The following ANK2 variants were observed in gnomAD, a reference collection of about 807,000 sequenced individuals.
ANK2 encodes the protein ankyrin 2, also known as ankyrin-2.
A neutral mutation model predicts 360.5 loss-of-function variants in ANK2; 83 were observed. The observed-to-expected ratio is 0.23, with a 90% CI of 0.19 to 0.28. The LOEUF is 0.28. Among genes scored for constraint, ANK2 ranks in the 10% least tolerant of loss-of-function variants. The pLI is 1.00. For missense variants in ANK2, 4,201 were observed against 4,795.7 expected (o/e 0.88, Z 3.66); for synonymous variants, 1,740 against 1,759.5 (o/e 0.99, Z 0.28).
intron 14 of ANK2, among the ~76,000 whole-genome samples, chr4:113,269,404 G>T (rs1018150507): frequency 6.6e-6 from 1 of 152,262 alleles, no homozygotes; most frequent in Non-Finnish European, 1.5e-5. Flanking sequence ...CCCTGGTGAT[G>T]TAGGCACCCG....
chr4:112,729,483 C>T, the ANK2 span, among the ~76,000 whole-genome samples: 618 of 152,154 alleles, frequency 4.1e-3, 4 homozygotes, highest in African/African-American at 0.014. Flanking sequence ...GGGCCGGACA[C>T]GATAGCTAAG....
At position 113,373,339 on chromosome 4, in the gene ANK2, G is replaced by A. The variant is rs2154074695; in HGVS notation, c.11749G>A (p.Glu3917Lys). 2 of 1,614,218 alleles carry A rather than the reference G, an allele frequency of 1.2e-6. No individual in the cohort carries two copies. Among genetic ancestry groups the A allele is most frequent in the Non-Finnish European group, 1.7e-6 (2 of 1,180,028 alleles). ...YVSSEGTEKE[E>K]IMVQGMPQEP... ...ATCCTCTGAAGGCACAGAGAAAGAA[G>A]AGATTATGGTGCAGGGAATGCCACA... is the stretch of plus-strand genomic sequence containing the variant. The change falls in exon 45 of 46, where the codon GAG (glutamate) becomes AAG (lysine). Residue 3917 changes from glutamate to lysine, a missense_variant. This residue lies in a region of ANK2 where 2,642 missense variants were observed against 2,714.5 expected (regional missense o/e 0.97). Coordinates refer to ENST00000357077, the MANE Select transcript of ANK2 (RefSeq NM_001148.6).
At chr4:113,039,923 A>T (rs1389805825) in intron 2 of ANK2, among the ~76,000 whole-genome samples, 4 of 151,990 alleles carry the variant, frequency 2.6e-5, no homozygotes, top group Admixed American at 2.6e-4. Context: ...ACTTTTTATC[A>T]ATGGGCCCGG....
At chr4:113,048,957 CA>C (rs2065763480), upstream of ANK2, among the ~76,000 whole-genome samples, 1 of 150,048 alleles carries the variant, frequency 6.7e-6, no homozygotes, top group Non-Finnish European at 1.5e-5. Flanking sequence ...CACACACACA[CA>C]CACACACTCC....
chr4:112,959,858 A>T (rs17617357), intron 2 of ANK2, among the ~76,000 whole-genome samples: 4,070 of 152,228 alleles, frequency 0.027, 87 homozygotes, highest in Non-Finnish European at 0.04. Flanking sequence ...TGTCAGCCAA[A>T]TTTGAGAAAC....
intron 1 of ANK2, among the ~76,000 whole-genome samples, chr4:113,114,556 C>A (rs1371503015): frequency 1.2e-5 from 1 of 84,954 alleles, no homozygotes; most frequent in African/African-American, 3.9e-5. Flanking sequence ...TGTTAACCAT[C>A]CCTAAATTTT....
rs148170304 is a variant in ANK2 at position 113,016,001 on chromosome 4, A to G, written c.21+111487A>G. 6.4e-3 allele frequency among the ~76,000 whole-genome samples: 972 copies of G among 152,300 alleles called. 11 individuals carry two copies. The highest frequency in any genetic ancestry group is 0.021 in the African/African-American group (885 of 41,552). ...ACCATTTGAGAGACTCATCAGAGAA[A>G]ATTCTCATATGGCTTTTTTTTTCAA... On this transcript the variant is annotated intron_variant, in intron 2 of 30. Coordinates refer to the ANK2 transcript ENST00000503271.
chr4:112,995,955 G>A (rs1192086171), intron 2 of ANK2, among the ~76,000 whole-genome samples: 3 of 152,120 alleles, frequency 2.0e-5, no homozygotes, highest in Non-Finnish European at 2.9e-5. Flanking sequence ...AGTTAAACAT[G>A]TGCATACCAT....
At chr4:113,330,185 A>G in intron 26 of ANK2, 61 bp from the exon 27 acceptor site, 1 of 1,498,466 alleles carries the variant, frequency 6.7e-7, no homozygotes, top group Non-Finnish European at 9.1e-7. Flanking sequence ...CAACTTGACA[A>G]AGCTTGTTCA....
intron 19 of ANK2, 24 bp downstream of exon 19, chr4:113,287,727 T>G (rs1240369121): frequency 1.3e-6 from 2 of 1,574,880 alleles, no homozygotes; most frequent in East Asian, 4.5e-5. Flanking sequence ...CTCTCAGTAT[T>G]GTGACAGGTT....
chr4:112,788,334 T>C, the ANK2 span: 1 of 1,549,438 alleles, frequency 6.5e-7, no homozygotes, highest in Non-Finnish European at 8.8e-7. Context: ...TTCCTCTTGA[T>C]AATGCACTAA....
chr4:113,158,359 T>C (rs969874106), intron 1 of ANK2, among the ~76,000 whole-genome samples: 1 of 152,176 alleles, frequency 6.6e-6, no homozygotes, highest in Admixed American at 6.5e-5. Context: ...CTTGAAACCA[T>C]GATCAGAAGA....
intron 14 of ANK2, among the ~76,000 whole-genome samples, chr4:113,265,475 T>C (rs1386960002): frequency 1.3e-5 from 2 of 152,188 alleles, no homozygotes; most frequent in African/African-American, 4.8e-5. Flanking sequence ...TTCCCTCCTT[T>C]TTATGATATT....
At chr4:112,890,556 GTTTTTTT>G (rs754680934) in intron 1 of ANK2, among the ~76,000 whole-genome samples, 10 of 67,456 alleles carry the variant, frequency 1.5e-4, no homozygotes, top group South Asian at 5.1e-4. Context: ...CATTTCTGTG[GTTTTTTT>G]TTTTTTTTTT....
intron 2 of ANK2, among the ~76,000 whole-genome samples, chr4:112,913,847 T>C (rs753672760): frequency 3.3e-5 from 5 of 152,222 alleles, no homozygotes; most frequent in Non-Finnish European, 7.3e-5. Flanking sequence ...CCATGGAATT[T>C]AGATAAATAC....
intron 2 of ANK2, among the ~76,000 whole-genome samples, chr4:113,017,388 C>G (rs74679997): frequency 0.14 from 20,614 of 151,634 alleles, 1,800 homozygotes; most frequent in East Asian, 0.39. Context: ...AAAGATGAAG[C>G]CCAGACTGCT....
In ANK2 at chr4:113,238,224, G is replaced by A. The variant is rs115679068; in HGVS notation, c.693+602G>A. 4.2e-3 allele frequency among the ~76,000 whole-genome samples: 640 copies of A among 152,280 alleles called. 3 individuals carry two copies. Among genetic ancestry groups the A allele is most frequent in the South Asian group, 9.1e-3 (44 of 4,822 alleles). ...GAACATTAAGTTCAGAAGCCTCTCA[G>A]TATGGTGTGTTTGTATATGTATGTA... On this transcript the variant is annotated intron_variant, in intron 7 of 45. Transcript: ENST00000357077.
intron 2 of ANK2, among the ~76,000 whole-genome samples, chr4:113,031,668 G>C (rs1407638555): frequency 7.5e-6 from 1 of 133,830 alleles, no homozygotes. Flanking sequence ...TTGTTCTTTT[G>C]TTATCAGGAT....
chr4:112,858,405 G>A (rs2066983813), intron 1 of ANK2, among the ~76,000 whole-genome samples: 1 of 152,056 alleles, frequency 6.6e-6, no homozygotes, highest in Non-Finnish European at 1.5e-5. Flanking sequence ...ACCTTGCAAG[G>A]TAGATATTAT....
Sources: gnomAD v4.1 joint callset for allele counts (sites outside exome capture counted in the v4.1 genomes callset) on GRCh38, gnomAD v4.1.1 for gene constraint, gnomAD v4.1.1 regional missense constraint, MANE v1.5 for transcripts, NCBI Gene and HGNC (gene_info 2026-07-23, HGNC 2026-07-21) for gene names.